Variants in CRPPA observed in about 807,000 individuals in gnomAD.
CRPPA encodes D-ribitol-5-phosphate cytidylyltransferase.
In CRPPA, 43 loss-of-function variants were observed where a neutral mutation model predicts 52.0. That is an observed-to-expected ratio of 0.83 (90% confidence interval 0.65 to 1.07). CRPPA has a LOEUF of 1.07. Ranked by LOEUF, CRPPA falls within the 50% of genes least tolerant of loss-of-function variation. The pLI, the probability that CRPPA is intolerant of heterozygous loss-of-function variation, is 0.00. For synonymous variants in CRPPA, 250 were observed against 203.5 expected, an observed-to-expected ratio of 1.23 and a Z score of -1.94; for missense variants, 629 against 551.7, an observed-to-expected ratio of 1.14 and a Z score of -1.40.
rs185104807 is a variant in CRPPA, at chr7:16,414,596, T to C, written c.257+6470A>G. ...TGCCAATAACACCATTGTCATCTGA[T>C]TTCTTGGAGCAACATTTCCTTATAG... is the stretch of plus-strand genomic sequence containing the variant. On this transcript the variant is annotated intron_variant, in intron 1 of 9. Coordinates refer to ENST00000407010, the MANE Select transcript of CRPPA (RefSeq NM_001101426.4). 2.4e-3 allele frequency among the ~76,000 whole-genome samples: 368 copies of C among 152,322 alleles called. 4 individuals carry two copies. The highest frequency in any genetic ancestry group is 8.3e-3 in the African/African-American group (346 of 41,570).
chr7:16,234,051 C>T (rs547184423), intron 8 of CRPPA, among the ~76,000 whole-genome samples: 26 of 152,192 alleles, frequency 1.7e-4, no homozygotes, highest in Non-Finnish European at 2.9e-4. Context: ...GAAAAAAGAA[C>T]AATTATCACT....
At chr7:16,199,743 C>A (rs1781807682) in intron 9 of CRPPA, among the ~76,000 whole-genome samples, 1 of 151,880 alleles carries the variant, frequency 6.6e-6, no homozygotes, top group South Asian at 2.1e-4. Flanking sequence ...CAGCAAATTC[C>A]TTAATGGTGT....
chr7:16,155,869 A>G (rs928026422), intron 9 of CRPPA, among the ~76,000 whole-genome samples: 1 of 152,146 alleles, frequency 6.6e-6, no homozygotes, highest in Non-Finnish European at 1.5e-5. Context: ...AAGAAACACA[A>G]TAATAGAGGG....
chr7:16,362,532 G>T (rs1327874465), intron 3 of CRPPA, among the ~76,000 whole-genome samples: 2 of 152,060 alleles, frequency 1.3e-5, no homozygotes, highest in African/African-American at 2.4e-5. Flanking sequence ...GTGAATTTTG[G>T]AGGGACACAT....
intron 3 of CRPPA, among the ~76,000 whole-genome samples, chr7:16,325,445 G>A (rs1309742081): frequency 6.6e-6 from 1 of 152,074 alleles, no homozygotes; most frequent in Non-Finnish European, 1.5e-5. Context: ...CTTCAAAATG[G>A]AGTCTCTTTT....
chr7:16,332,063 G>A (rs1785563786), intron 3 of CRPPA, among the ~76,000 whole-genome samples: 1 of 152,240 alleles, frequency 6.6e-6, no homozygotes, highest in Middle Eastern at 3.4e-3. Context: ...AAATCAGAAA[G>A]AAGCCAGGGG....
At chr7:16,321,976 A>G (rs1003144246) in intron 3 of CRPPA, among the ~76,000 whole-genome samples, 6 of 152,166 alleles carry the variant, frequency 3.9e-5, no homozygotes, top group Non-Finnish European at 8.8e-5. Flanking sequence ...TGGCCAACAG[A>G]AGAAACTAAA....
chr7:16,404,735 T>C (rs182264001), intron 2 of CRPPA, among the ~76,000 whole-genome samples: 1 of 152,272 alleles, frequency 6.6e-6, no homozygotes, highest in East Asian at 1.9e-4. Context: ...ATTCTTAAGT[T>C]GTAAATCCTC....
chr7:16,226,363 A>G (rs1272103119), intron 8 of CRPPA, among the ~76,000 whole-genome samples: 1 of 151,906 alleles, frequency 6.6e-6, no homozygotes, highest in Non-Finnish European at 1.5e-5. Context: ...GAAAAACTGG[A>G]AGGTCACTTT....
chr7:16,189,965 TA>T (rs913659933), intron 9 of CRPPA, among the ~76,000 whole-genome samples: 13 of 152,238 alleles, frequency 8.5e-5, no homozygotes, highest in Admixed American at 6.5e-4. Flanking sequence ...ATCTCAGCTC[TA>T]AAAAATCCAA....
At chr7:16,321,152 A>G (rs1435385843) in intron 3 of CRPPA, among the ~76,000 whole-genome samples, 1 of 152,170 alleles carries the variant, frequency 6.6e-6, no homozygotes, top group African/African-American at 2.4e-5. Context: ...CACTGCCTAG[A>G]TAATTCTTTT....
At chr7:16,265,686 G>A (rs1783934324) in intron 6 of CRPPA, among the ~76,000 whole-genome samples, 1 of 151,412 alleles carries the variant, frequency 6.6e-6, no homozygotes, top group Non-Finnish European at 1.5e-5. Context: ...CACTTTTAGA[G>A]GACCCTTTAA....
intron 1 of CRPPA, among the ~76,000 whole-genome samples, chr7:16,414,477 C>A (rs1354842938): frequency 1.3e-5 from 2 of 151,542 alleles, no homozygotes; most frequent in Non-Finnish European, 1.5e-5. Context: ...TACAACAGAT[C>A]CAGGGAATAC....
At chr7:16,332,880 T>A (rs545814489) in intron 3 of CRPPA, among the ~76,000 whole-genome samples, 2 of 151,948 alleles carry the variant, frequency 1.3e-5, no homozygotes, top group Admixed American at 1.3e-4. Flanking sequence ...CCAAGTCTTA[T>A]CTACAAGAAA....
chr7:16,361,119 A>G (rs1786431837), intron 3 of CRPPA, among the ~76,000 whole-genome samples: 1 of 152,226 alleles, frequency 6.6e-6, no homozygotes, highest in African/African-American at 2.4e-5. Flanking sequence ...GATGTTCAAC[A>G]TCACTAATCA....
At chr7:16,224,129 T>G (rs1782590518) in intron 8 of CRPPA, among the ~76,000 whole-genome samples, 1 of 152,116 alleles carries the variant, frequency 6.6e-6, no homozygotes, top group South Asian at 2.1e-4. Flanking sequence ...GCTTTGTGGG[T>G]GGGCGAGGTT....
At chr7:16,271,578 C>G (rs561629173) in intron 6 of CRPPA, among the ~76,000 whole-genome samples, 10 of 152,218 alleles carry the variant, frequency 6.6e-5, no homozygotes, top group African/African-American at 2.4e-4. Flanking sequence ...TTTCTGTGCC[C>G]CAATGAAGCT....
intron 2 of CRPPA, among the ~76,000 whole-genome samples, chr7:16,393,489 G>T (rs1172912408): frequency 6.6e-6 from 1 of 152,038 alleles, no homozygotes; most frequent in African/African-American, 2.4e-5. Context: ...TGGAAAAGGG[G>T]ATAATTATTC....
At chr7:16,305,320 C>CA (rs1196902270) in intron 4 of CRPPA, among the ~76,000 whole-genome samples, 1 of 152,118 alleles carries the variant, frequency 6.6e-6, no homozygotes, top group Admixed American at 6.5e-5. Flanking sequence ...AACAAACAAA[C>CA]AAAAAACGCT....
Sources: gnomAD v4.1 joint callset for allele counts (sites outside exome capture counted in the v4.1 genomes callset) on GRCh38, gnomAD v4.1.1 for gene constraint, MANE v1.5 for transcripts, NCBI Gene and HGNC (gene_info 2026-07-23, HGNC 2026-07-21) for gene names.